The following C14orf132 variants were observed in gnomAD, a reference collection of about 807,000 sequenced individuals.
C14orf132 encodes the protein uncharacterized protein C14orf132.
In C14orf132, 6 loss-of-function variants were observed where a neutral mutation model predicts 5.8. The ratio of observed to expected loss-of-function variants is 1.03; its 90% CI spans 0.57 to 2.04. The LOEUF (loss-of-function observed/expected upper bound fraction) is 2.04. Ranked by LOEUF, C14orf132 falls within the 30% of genes most tolerant of loss-of-function variation. The probability of loss-of-function intolerance (pLI) is 0.00; values close to 1 mark genes in which losing one functional copy is unlikely to be tolerated. For synonymous variants in C14orf132, 51 were observed against 49.8 expected (o/e 1.02, Z -0.10); for missense variants, 125 against 115.8 (o/e 1.08, Z -0.37).
chr14:96,051,004 C>T (rs1887009817), intron 1 of C14orf132: 2 of 394,662 alleles, frequency 5.1e-6, no homozygotes, highest in South Asian at 2.9e-4. Context: ...ACACTTGAAT[C>T]TAAATCTAGA....
intron 1 of C14orf132, among the ~76,000 whole-genome samples, chr14:96,070,608 A>T (rs1207267667): frequency 7.9e-5 from 12 of 151,066 alleles, no homozygotes; most frequent in East Asian, 5.8e-4. Context: ...ACACACACAC[A>T]CACACACACA....
At chr14:96,084,598 G>C (rs1888123557) in intron 1 of C14orf132, among the ~76,000 whole-genome samples, 1 of 152,066 alleles carries the variant, frequency 6.6e-6, no homozygotes, top group South Asian at 2.1e-4. Flanking sequence ...TGTTTGCATT[G>C]GTCATTATAT....
chr14:96,062,505 T>G (rs1283863958), intron 1 of C14orf132, among the ~76,000 whole-genome samples: 1 of 152,188 alleles, frequency 6.6e-6, no homozygotes, highest in African/African-American at 2.4e-5. Flanking sequence ...ACATGGAGAT[T>G]GCAGCCCTCC....
At chr14:96,074,681 C>T (rs1175336613) in intron 1 of C14orf132, among the ~76,000 whole-genome samples, 1 of 152,090 alleles carries the variant, frequency 6.6e-6, no homozygotes, top group African/African-American at 2.4e-5. Context: ...GTTGAAAAGA[C>T]TATCCTTTTT....
chr14:96,054,858 G>A (rs560856760), intron 1 of C14orf132, among the ~76,000 whole-genome samples: 10 of 152,262 alleles, frequency 6.6e-5, no homozygotes, highest in Admixed American at 5.9e-4. Context: ...TAGCCCTAAT[G>A]CATTCACTAA....
chr14:96,055,804 A>C (rs1352218792), intron 1 of C14orf132, among the ~76,000 whole-genome samples: 1 of 152,168 alleles, frequency 6.6e-6, no homozygotes, highest in Admixed American at 6.5e-5. Context: ...CTGACCACTT[A>C]AATCTCTTTC....
chr14:96,065,940 T>G (rs1459052603), intron 1 of C14orf132, among the ~76,000 whole-genome samples: 4 of 152,116 alleles, frequency 2.6e-5, no homozygotes, highest in African/African-American at 9.7e-5. Flanking sequence ...CAAGGGAAAA[T>G]TTTTAAACTC....
Position 96,089,189 on chromosome 14 carries a change from C to A in C14orf132, c.*2454C>A, listed in dbSNP as rs45498093. On this transcript the variant is annotated 3_prime_UTR_variant, in exon 2 of 2. Coordinates refer to ENST00000555004, the MANE Select transcript of C14orf132 (RefSeq NM_001252507.3). ...GCAAAGGCTGGATTTCTGGCCACAG[C>A]GAGCTGCACTCTCCCTCCTGCCTCA... The A allele has an allele frequency of 0.046, 7,077 of 152,314 alleles. 191 individuals are homozygous for A. Among genetic ancestry groups the A allele is most frequent in the Middle Eastern group, 0.14 (40 of 294 alleles). 9.4% of individuals were successfully genotyped at this position (152,314 alleles called of 1,614,324 possible). A position where few individuals can be genotyped will look rare whatever the true frequency, so the allele number is the denominator to read the frequency against.
At chr14:96,043,334 C>T (rs572937083) in intron 1 of C14orf132, among the ~76,000 whole-genome samples, 4 of 152,250 alleles carry the variant, frequency 2.6e-5, no homozygotes, top group South Asian at 2.1e-4. Flanking sequence ...ATTTCAGGAA[C>T]GTTCTGCATG....
In C14orf132 at chr14:96,090,643, C is replaced by A. The variant is rs1163864055; in HGVS notation, c.*3908C>A. ...AAATAAGACTCCCTGCTCCACTCTACCCCCCAGAGAGAAATGATTCTCGCT... is the reference window on the plus strand; with the variant it reads ...AAATAAGACTCCCTGCTCCACTCTAACCCCCAGAGAGAAATGATTCTCGCT... On this transcript the variant is annotated 3_prime_UTR_variant, in exon 2 of 2. Transcript: ENST00000555004. 4.4e-6 allele frequency: 2 copies of A among 455,902 alleles called. No homozygotes were observed. The highest frequency in any genetic ancestry group is 8.8e-6 in the Non-Finnish European group (2 of 226,798). The allele number at this position is 455,902 out of a possible 1,614,324, so 28.2% of individuals were successfully genotyped here.
At chr14:96,049,516 G>GTA (rs1402471139) in intron 1 of C14orf132, among the ~76,000 whole-genome samples, 13 of 134,946 alleles carry the variant, frequency 9.6e-5, no homozygotes, top group South Asian at 2.3e-4. Context: ...ACGTATATAC[G>GTA]TATATATATA....
chr14:96,079,821 C>T (rs150736937), intron 1 of C14orf132, among the ~76,000 whole-genome samples: 22 of 152,280 alleles, frequency 1.4e-4, no homozygotes, highest in African/African-American at 4.3e-4. Context: ...AAACTGAAGG[C>T]GTGGTCCCTT....
Position 96,093,464 on chromosome 14 carries a change from C to T in C14orf132, c.*6729C>T, listed in dbSNP as rs192253667. The T allele has an allele frequency of 6.6e-6, 1 of 152,326 alleles. No homozygotes were observed. Among genetic ancestry groups the T allele is most frequent in the East Asian group, 1.9e-4 (1 of 5,186 alleles). 9.4% of individuals were successfully genotyped at this position (152,326 alleles called of 1,614,324 possible). ...TCTGACCTTTTTCCACGTGCCCAGT[C>T]CTATTTCTGCCAGTTGAAGGCATAC... On this transcript the variant is annotated 3_prime_UTR_variant, in exon 2 of 2. Transcript: ENST00000555004.
chr14:96,060,673 G>T (rs185225700), intron 1 of C14orf132, among the ~76,000 whole-genome samples: 3 of 152,278 alleles, frequency 2.0e-5, no homozygotes, highest in African/African-American at 7.2e-5. Context: ...TTCCCATGCT[G>T]CATGCCTGAA....
At chr14:96,047,907 G>A (rs182306700) in intron 1 of C14orf132, among the ~76,000 whole-genome samples, 23 of 152,110 alleles carry the variant, frequency 1.5e-4, no homozygotes, top group African/African-American at 3.6e-4. Context: ...CTCCAAAGTC[G>A]CTGAGCCCGG....
At chr14:96,072,500 A>G (rs1292438467) in intron 1 of C14orf132, among the ~76,000 whole-genome samples, 3 of 152,214 alleles carry the variant, frequency 2.0e-5, no homozygotes, top group Admixed American at 1.3e-4. Context: ...CTTTTGATTT[A>G]CTTGCTAATA....
chr14:96,039,367 C>G lies in C14orf132; in HGVS notation c.-134C>G. The G allele has an allele frequency of 1.1e-6, 1 of 881,408 alleles. No homozygotes were observed. Among genetic ancestry groups the G allele is most frequent in the East Asian group, 3.4e-5 (1 of 29,750 alleles). 54.6% of individuals were successfully genotyped at this position (881,408 alleles called of 1,614,324 possible). A position where few individuals can be genotyped will look rare whatever the true frequency, so the allele number is the denominator to read the frequency against. ...CCTAGTAGAGATCTGGAGCCAGAAGCCCAGAGACAGCCGAGTGCGCCGTGC... is the reference window on the plus strand; with the variant it reads ...CCTAGTAGAGATCTGGAGCCAGAAGGCCAGAGACAGCCGAGTGCGCCGTGC... On this transcript the variant is annotated 5_prime_UTR_variant, in exon 1 of 2. Coordinates refer to ENST00000555004, the MANE Select transcript of C14orf132 (RefSeq NM_001252507.3). This position sits in a 1 kb window ranked among gnomAD's most constrained non-coding sequence, Gnocchi z 5.3.
At chr14:96,046,739 G>T (rs1691155499) in intron 1 of C14orf132, among the ~76,000 whole-genome samples, 1 of 152,200 alleles carries the variant, frequency 6.6e-6, no homozygotes, top group South Asian at 2.1e-4. Flanking sequence ...CAGCTGAGAT[G>T]CTGGCATATC....
Position 96,087,003 on chromosome 14 carries a change from A to G in C14orf132, c.*268A>G, listed in dbSNP as rs1208477251. 1.9e-6 allele frequency: 1 copy of G among 519,896 alleles called. No homozygotes were observed. Among genetic ancestry groups the G allele is most frequent in the Non-Finnish European group, 3.4e-6 (1 of 290,998 alleles). The allele number at this position is 519,896 out of a possible 1,614,324, so 32.2% of individuals were successfully genotyped here. On this transcript the variant is annotated 3_prime_UTR_variant, in exon 2 of 2. Transcript: ENST00000555004. ...GGGCAGATTGGGGATCCTTGAAACT[A>G]CATTCCAGGAACATGGGACCAGATG...
Sources: allele counts gnomAD v4.1 joint callset (sites outside exome capture counted in the v4.1 genomes callset), GRCh38; gene constraint gnomAD v4.1.1; non-coding constraint Gnocchi (gnomAD v3.1); transcripts MANE v1.5; gene names NCBI Gene and HGNC (gene_info 2026-07-23, HGNC 2026-07-21).